ATP11A: variants seen among roughly 807,000 people sequenced by gnomAD.
The protein encoded by ATP11A is phospholipid-transporting ATPase IH.
In ATP11A, 81 loss-of-function variants were observed where a neutral mutation model predicts 154.4. The ratio of observed to expected loss-of-function variants is 0.52; its 90% confidence interval spans 0.44 to 0.63. The LOEUF (loss-of-function observed/expected upper bound fraction) is 0.63, where lower values mean the gene tolerates loss of function less well. Ranked by LOEUF, ATP11A falls within the 30% of genes least tolerant of loss-of-function variation. The pLI, the probability that ATP11A is intolerant of heterozygous loss-of-function variation, is 0.00. For synonymous variants in ATP11A, 623 were observed against 585.9 expected, an observed-to-expected ratio of 1.06 and a Z score of -0.91; for missense variants, 1,316 against 1,474.3, an observed-to-expected ratio of 0.89 and a Z score of 1.76.
chr13:112,725,969 T>C (rs1889828885), intron 1 of ATP11A, among the ~76,000 whole-genome samples: 1 of 152,244 alleles, frequency 6.6e-6, no homozygotes. Flanking sequence ...GCGGTGGCCC[T>C]GGGGCCTGCT....
chr13:112,802,487 C>T (rs1160619997), intron 2 of ATP11A, among the ~76,000 whole-genome samples: 1 of 137,080 alleles, frequency 7.3e-6, no homozygotes, highest in Non-Finnish European at 1.5e-5. Context: ...GGAGCAAAGG[C>T]AATTCAGGGC....
chr13:112,850,938 T>A (rs2079746076), intron 17 of ATP11A, 99 bp from the exon 18 acceptor site: 2 of 1,077,694 alleles, frequency 1.9e-6, no homozygotes, highest in South Asian at 3.1e-5. Context: ...TTGGGTTAGT[T>A]AGTCTAATGA....
intron 1 of ATP11A, among the ~76,000 whole-genome samples, chr13:112,702,793 T>A (rs889814407): frequency 6.6e-6 from 1 of 152,246 alleles, no homozygotes; most frequent in African/African-American, 2.4e-5. Context: ...GCGGTGTGCG[T>A]GTCTCGCAGC....
At chr13:112,718,196 T>G (rs562219426) in intron 1 of ATP11A, among the ~76,000 whole-genome samples, 4 of 152,360 alleles carry the variant, frequency 2.6e-5, no homozygotes, top group African/African-American at 9.6e-5. Flanking sequence ...TGAATTTATT[T>G]TGCTTTTCCG....
chr13:112,717,148 C>T (rs192935993), intron 1 of ATP11A, among the ~76,000 whole-genome samples: 66 of 152,334 alleles, frequency 4.3e-4, no homozygotes, highest in East Asian at 3.3e-3. Flanking sequence ...GCCTTGAGGA[C>T]GGCACTTGTT....
In ATP11A at chr13:112,876,717, G is replaced by A. The variant is rs534707539; in HGVS notation, c.3327+776G>A. On this transcript the variant is annotated intron_variant, in intron 28 of 29. Transcript: ENST00000375645. ...CCCAATGGGGAAATGAGGGGTGGGG[G>A]CCCCTGGCAGTGGCTGCTCCTGCAG... 1.9e-3 allele frequency among the ~76,000 whole-genome samples: 291 copies of A among 152,370 alleles called. 2 individuals are homozygous for A. Among genetic ancestry groups the A allele is most frequent in the African/African-American group, 6.7e-3 (278 of 41,586 alleles).
intron 2 of ATP11A, among the ~76,000 whole-genome samples, chr13:112,796,395 T>C (rs1320342730): frequency 6.6e-6 from 1 of 152,202 alleles, no homozygotes; most frequent in Non-Finnish European, 1.5e-5. Flanking sequence ...ATAGAACTAT[T>C]CATGTGGCCA....
intron 1 of ATP11A, among the ~76,000 whole-genome samples, chr13:112,726,083 G>A (rs1164832525): frequency 1.9e-4 from 29 of 152,290 alleles, no homozygotes; most frequent in Admixed American, 1.8e-3. Context: ...TCCTTGAAAA[G>A]AGGAGGCTTC....
At chr13:112,730,351 G>A (rs1394619801) in intron 1 of ATP11A, among the ~76,000 whole-genome samples, 1 of 152,240 alleles carries the variant, frequency 6.6e-6, no homozygotes, top group Non-Finnish European at 1.5e-5. Context: ...GGGCATTGAT[G>A]AGGGAAGGTG....
chr13:112,745,917 G>A (rs1892074878), intron 1 of ATP11A: 1 of 152,158 alleles, frequency 6.6e-6, no homozygotes, highest in East Asian at 1.9e-4. Flanking sequence ...GTTAAACTAG[G>A]TGTCCCCACC....
At chr13:112,856,384 AG>A in intron 20 of ATP11A, 1 of 195,682 alleles carries the variant, frequency 5.1e-6, no homozygotes, top group South Asian at 1.5e-4. Flanking sequence ...ATCACTCCTG[AG>A]AATCTACACT....
In ATP11A at chr13:112,817,437, A is replaced by T. The variant is rs564752794; in HGVS notation, c.570+1226A>T. On this transcript the variant is annotated intron_variant, in intron 6 of 29. Transcript: ENST00000375645. Reference sequence around the variant, plus strand: ...TGTGTAGCATATCCCAGGAGAATGAACACGCTAACCTAAAAGATTGTCAGC... The same window carrying T: ...TGTGTAGCATATCCCAGGAGAATGATCACGCTAACCTAAAAGATTGTCAGC... Among the ~76,000 whole-genome samples, 35 of 152,362 alleles carry T rather than the reference A, an allele frequency of 2.3e-4. No individual in the cohort carries two copies. In the South Asian group the frequency reaches 6.6e-3, roughly 29 times the overall value.
At chr13:112,720,903 C>G (rs1414981777) in intron 1 of ATP11A, among the ~76,000 whole-genome samples, 1 of 152,134 alleles carries the variant, frequency 6.6e-6, no homozygotes, top group Non-Finnish European at 1.5e-5. Flanking sequence ...TTCAACCTCC[C>G]TTATGTCGTG....
At position 112,859,041 on chromosome 13, in the gene ATP11A, T is replaced by A; in HGVS notation, c.2668-352T>A. On this transcript the variant is annotated intron_variant, in intron 22 of 29. Transcript: ENST00000375645. This position sits in a 1 kb window ranked among gnomAD's most constrained non-coding sequence, Gnocchi z 4.3. ...CCTTTTCTCCCCCCACAGAATTGAG[T>A]GTGGAACCAGTGAGAACCTTTCAGG... is the stretch of plus-strand genomic sequence containing the variant. The A allele has an allele frequency of 3.5e-6, 1 of 287,368 alleles. No homozygotes were observed. The highest frequency in any genetic ancestry group is 6.8e-6 in the Non-Finnish European group (1 of 147,434). 17.8% of individuals were successfully genotyped at this position (287,368 alleles called of 1,614,324 possible). A position where few individuals can be genotyped will look rare whatever the true frequency, so the allele number is the denominator to read the frequency against.
intron 1 of ATP11A, among the ~76,000 whole-genome samples, chr13:112,713,593 G>C (rs1013241664): frequency 2.0e-5 from 3 of 152,186 alleles, no homozygotes; most frequent in Non-Finnish European, 4.4e-5. Flanking sequence ...GCCTGTGAAA[G>C]AGGTCTCAGT....
In ATP11A at chr13:112,807,156, G is replaced by A. The variant is rs1167040082; in HGVS notation, c.333+863G>A. The stretch of plus-strand genomic sequence containing the variant: ...TGTGAAAGGCTGGAGAGGGCATGGC[G>A]AGGGAGGCACCACGGGCCGCCGGCA... On this transcript the variant is annotated intron_variant, in intron 4 of 29. Coordinates refer to ENST00000375645, the MANE Select transcript of ATP11A (RefSeq NM_015205.3). The surrounding 1 kb of genome is among the most constrained non-coding windows in gnomAD (Gnocchi z 4.5). Among the ~76,000 whole-genome samples the A allele has an allele frequency of 3.9e-5, 6 of 152,232 alleles. No individual in the cohort carries two copies. Among genetic ancestry groups the A allele is most frequent in the Admixed American group, 6.5e-5 (1 of 15,288 alleles).
At chr13:112,829,189 C>T (rs1487699961) in intron 12 of ATP11A, among the ~76,000 whole-genome samples, 1 of 152,148 alleles carries the variant, frequency 6.6e-6, no homozygotes, top group Non-Finnish European at 1.5e-5. Flanking sequence ...GGCAGGCGTG[C>T]GTTGTAGTGA....
intron 1 of ATP11A, among the ~76,000 whole-genome samples, chr13:112,713,099 A>G (rs1210036193): frequency 6.6e-6 from 1 of 152,234 alleles, no homozygotes; most frequent in Non-Finnish European, 1.5e-5. Context: ...TTCTCAGAGT[A>G]TTCTAAAACA....
chr13:112,854,976 C>T (rs1294746471), intron 19 of ATP11A, among the ~76,000 whole-genome samples: 1 of 152,068 alleles, frequency 6.6e-6, no homozygotes, highest in African/African-American at 2.4e-5. Context: ...CAAGAATATT[C>T]AGTAGTTTAT....
Sources: gnomAD v4.1 joint callset for allele counts (sites outside exome capture counted in the v4.1 genomes callset) on GRCh38, gnomAD v4.1.1 for gene constraint, Gnocchi (gnomAD v3.1) non-coding constraint, MANE v1.5 for transcripts, NCBI Gene and HGNC (gene_info 2026-07-23, HGNC 2026-07-21) for gene names.